MLLT3: variants seen among roughly 807,000 people sequenced by gnomAD.
MLLT3 encodes the protein MLLT3 super elongation complex subunit.
A neutral mutation model predicts 53.2 loss-of-function variants in MLLT3; 4 were observed. That is an observed-to-expected ratio of 0.08 (90% CI 0.04 to 0.17). The LOEUF is 0.17. MLLT3 is among the 10% of genes least tolerant of loss of function. The pLI is 1.00. For synonymous variants in MLLT3, 283 were observed against 230.6 expected, an observed-to-expected ratio of 1.23 and a Z score of -2.06; for missense variants, 569 against 684.0, an observed-to-expected ratio of 0.83 and a Z score of 1.87.
intron 7 of MLLT3, chr9:20,363,063 G>C (rs1821365048): frequency 6.4e-6 from 1 of 156,174 alleles, no homozygotes; most frequent in South Asian, 2.0e-4. Context: ...TTTTAATTAG[G>C]TCACACACAT....
chr9:20,516,631 T>A (rs574398822), intron 2 of MLLT3, among the ~76,000 whole-genome samples: 78 of 152,368 alleles, frequency 5.1e-4, no homozygotes, highest in Admixed American at 7.8e-4. Flanking sequence ...CTCTATCATC[T>A]ATGGAGTGTA....
chr9:20,597,675 T>A (rs1228462678), intron 2 of MLLT3, among the ~76,000 whole-genome samples: 1 of 152,150 alleles, frequency 6.6e-6, no homozygotes, highest in Admixed American at 6.5e-5. Flanking sequence ...ATAAGAAAGT[T>A]TTAGCGTCTT....
chr9:20,397,377 T>C (rs1377277218), intron 5 of MLLT3, among the ~76,000 whole-genome samples: 1 of 152,112 alleles, frequency 6.6e-6, no homozygotes, highest in Admixed American at 6.5e-5. Context: ...CGTTCAACTT[T>C]TGGGAGCAGA....
In MLLT3 at chr9:20,620,602, C is replaced by G; in HGVS notation, c.193+52G>C. ...GGACAGCGGGACCGCCCGGGCCAAG[C>G]GATTGTTTCAAAGACATTTTTTATC... On this transcript the variant is annotated intron_variant, in intron 2 of 10. Coordinates refer to ENST00000380338, the MANE Select transcript of MLLT3 (RefSeq NM_004529.4). This position sits in a 1 kb window ranked among gnomAD's most constrained non-coding sequence, Gnocchi z 6.1. The G allele has an allele frequency of 1.3e-6, 2 of 1,546,644 alleles. No homozygotes were observed. Among genetic ancestry groups the G allele is most frequent in the Non-Finnish European group, 1.8e-6 (2 of 1,133,912 alleles).
intron 2 of MLLT3, among the ~76,000 whole-genome samples, chr9:20,571,803 T>C (rs1377308608): frequency 6.6e-6 from 1 of 152,178 alleles, no homozygotes; most frequent in East Asian, 1.9e-4. Flanking sequence ...ATTGTGGAAA[T>C]GCAAATTAAA....
At chr9:20,357,734 T>TG (rs1364997982) in intron 8 of MLLT3, among the ~76,000 whole-genome samples, 1 of 152,198 alleles carries the variant, frequency 6.6e-6, no homozygotes, top group Non-Finnish European at 1.5e-5. Context: ...CTCTAGTCCC[T>TG]GGAAGATTTG....
At chr9:20,510,856 T>C (rs1825517653) in intron 2 of MLLT3, among the ~76,000 whole-genome samples, 1 of 152,168 alleles carries the variant, frequency 6.6e-6, no homozygotes, top group African/African-American at 2.4e-5. Flanking sequence ...AGCACCAGCA[T>C]TTAAAGATAT....
chr9:20,397,963 C>A (rs992967850), intron 5 of MLLT3, among the ~76,000 whole-genome samples: 1 of 152,114 alleles, frequency 6.6e-6, no homozygotes, highest in East Asian at 1.9e-4. Flanking sequence ...GAACTAACTT[C>A]ATCTTCCACA....
At chr9:20,552,037 C>T (rs1185260156) in intron 2 of MLLT3, among the ~76,000 whole-genome samples, 4 of 152,200 alleles carry the variant, frequency 2.6e-5, no homozygotes, top group Non-Finnish European at 4.4e-5. Context: ...CCCTTTATGA[C>T]TGTAAAGTTT....
At chr9:20,564,749 A>C (rs549787897) in intron 2 of MLLT3, among the ~76,000 whole-genome samples, 1 of 152,318 alleles carries the variant, frequency 6.6e-6, no homozygotes, top group African/African-American at 2.4e-5. Context: ...ATCCACTGGA[A>C]GTGGATCAAA....
chr9:20,398,522 C>T (rs1399558895), intron 5 of MLLT3, among the ~76,000 whole-genome samples: 1 of 152,102 alleles, frequency 6.6e-6, no homozygotes, highest in African/African-American at 2.4e-5. Flanking sequence ...GTGGGGGAAG[C>T]AAGTCCCTTT....
intron 4 of MLLT3, among the ~76,000 whole-genome samples, chr9:20,417,397 T>C (rs1822898369): frequency 6.8e-6 from 1 of 147,920 alleles, no homozygotes; most frequent in South Asian, 2.1e-4. Flanking sequence ...GTATATCTGA[T>C]ATATATATAT....
chr9:20,559,821 T>G (rs1587069119), intron 2 of MLLT3, among the ~76,000 whole-genome samples: 1 of 152,196 alleles, frequency 6.6e-6, no homozygotes, highest in Non-Finnish European at 1.5e-5. Context: ...CAACATAGTT[T>G]TGGTAAAAAG....
At chr9:20,523,606 C>T (rs1818122730) in intron 2 of MLLT3, among the ~76,000 whole-genome samples, 1 of 152,154 alleles carries the variant, frequency 6.6e-6, no homozygotes, top group Non-Finnish European at 1.5e-5. Flanking sequence ...AGAAGCCAGT[C>T]TGAAAAGACT....
chr9:20,408,146 GA>G (rs1247282238), intron 5 of MLLT3, among the ~76,000 whole-genome samples: 11 of 152,116 alleles, frequency 7.2e-5, no homozygotes, highest in Admixed American at 1.3e-4. Context: ...TGCAAAGATA[GA>G]GCCCCTGTGT....
chr9:20,349,105 G>C lies in MLLT3; in HGVS notation c.1576-2531C>G, dbSNP rs555897878. ...AGAATTTGACTCCTTTCCTCAGCGAGCTGCCCAGTAGGTAATTGACAAAGC... is the reference window on the plus strand; with the variant it reads ...AGAATTTGACTCCTTTCCTCAGCGACCTGCCCAGTAGGTAATTGACAAAGC... On this transcript the variant is annotated intron_variant, in intron 10 of 10. Coordinates refer to ENST00000380338, the MANE Select transcript of MLLT3 (RefSeq NM_004529.4). Among the ~76,000 whole-genome samples the C allele has an allele frequency of 7.4e-4, 112 of 152,318 alleles. 1 individual carries two copies. Among genetic ancestry groups the C allele is most frequent in the Admixed American group, 1.4e-3 (21 of 15,304 alleles).
intron 2 of MLLT3, among the ~76,000 whole-genome samples, chr9:20,561,866 G>C (rs569166786): frequency 3.3e-5 from 5 of 151,758 alleles, no homozygotes; most frequent in Admixed American, 3.3e-4. Context: ...TGTCCTACTC[G>C]CTGCGTATCA....
intron 4 of MLLT3, among the ~76,000 whole-genome samples, chr9:20,416,532 C>T (rs1396404178): frequency 6.6e-6 from 1 of 152,098 alleles, no homozygotes; most frequent in African/African-American, 2.4e-5. Flanking sequence ...ACATTGGTAT[C>T]TGACACAGCT....
intron 2 of MLLT3, among the ~76,000 whole-genome samples, chr9:20,499,722 T>C (rs1454107018): frequency 1.3e-5 from 2 of 152,200 alleles, no homozygotes; most frequent in Non-Finnish European, 2.9e-5. Flanking sequence ...TAAAGGTACA[T>C]GAAGAAAAAA....
Sources: gnomAD v4.1 joint callset for allele counts (sites outside exome capture counted in the v4.1 genomes callset) on GRCh38, gnomAD v4.1.1 for gene constraint, Gnocchi (gnomAD v3.1) non-coding constraint, MANE v1.5 for transcripts, NCBI Gene and HGNC (gene_info 2026-07-23, HGNC 2026-07-21) for gene names.